The following ADAMTS14 variants were observed in gnomAD, a reference collection of about 807,000 sequenced individuals.
ADAMTS14 encodes the protein A disintegrin and metalloproteinase with thrombospondin motifs 14.
ADAMTS14 carries 100 observed loss-of-function variants against 128.6 expected under a neutral mutation model. The ratio of observed to expected loss-of-function variants is 0.78; its 90% confidence interval spans 0.66 to 0.92. The LOEUF (loss-of-function observed/expected upper bound fraction) is 0.92, where lower values mean the gene tolerates loss of function less well. Ranked by LOEUF, ADAMTS14 falls within the 40% of genes least tolerant of loss-of-function variation. The pLI, the probability that ADAMTS14 is intolerant of heterozygous loss-of-function variation, is 0.00. For missense variants in ADAMTS14, 1,562 were observed against 1,658.6 expected (o/e 0.94, Z 1.01); for synonymous variants, 665 against 653.8 (o/e 1.02, Z -0.26).
intron 4 of ADAMTS14, among the ~76,000 whole-genome samples, chr10:70,715,069 A>T (rs1840997262): frequency 6.6e-6 from 1 of 152,030 alleles, no homozygotes; most frequent in Non-Finnish European, 1.5e-5. Flanking sequence ...TTTTTAGGAG[A>T]ACTAACGGGA....
chr10:70,683,921 T>C (rs1839885156), intron 2 of ADAMTS14, among the ~76,000 whole-genome samples: 1 of 152,198 alleles, frequency 6.6e-6, no homozygotes, highest in Non-Finnish European at 1.5e-5. Flanking sequence ...CCTTGAGGCC[T>C]AGCCTTGGGA....
In ADAMTS14 at chr10:70,733,946, G is replaced by A. The variant is rs756938729; in HGVS notation, c.1270G>A (p.Val424Ile). Residue 424 changes from valine to isoleucine, a missense_variant, in exon 8 of 22, where the codon GTC (valine) becomes ATC (isoleucine). Coordinates refer to ENST00000373207, the MANE Select transcript of ADAMTS14 (RefSeq NM_080722.4). The stretch of plus-strand genomic sequence containing the variant: ...TGCAGATGAGACCAGCCTGGGCAGC[G>A]TCATGGCGCCCCTGGTGCAGGCTGC... ...GCADETSLGS[V>I]MAPLVQAAFH... is the part of the protein sequence containing the mutation. The A allele has an allele frequency of 6.0e-5, 97 of 1,613,802 alleles. No homozygotes were observed. The Admixed American group carries it at 7.0e-4, about 12-fold the overall frequency.
chr10:70,750,061 C>G, intron 16 of ADAMTS14, 76 bp downstream of exon 16: 1 of 1,557,454 alleles, frequency 6.4e-7, no homozygotes, highest in Non-Finnish European at 8.7e-7. Context: ...TGCTGCCAAG[C>G]CAGCGTGACA....
chr10:70,705,431 G>C (rs886541861), intron 3 of ADAMTS14, among the ~76,000 whole-genome samples: 2 of 152,238 alleles, frequency 1.3e-5, no homozygotes, highest in Admixed American at 6.5e-5. Context: ...CCGGGCTGGG[G>C]CTCAGGGCGG....
In ADAMTS14 at chr10:70,743,588, G is replaced by A. The variant is rs10999502; in HGVS notation, c.1965G>A (p.Thr655=). 0.24 allele frequency: 391,155 copies of A among 1,612,198 alleles called. 52,042 individuals carry two copies. Among genetic ancestry groups the A allele is most frequent in the East Asian group, 0.55 (24,576 of 44,780 alleles). ...AGCTGATCTGCCAGTCGGCGGACAC[G>A]GGGGACGTGGTGTTCATGAACCAGG... ...KCELICQSAD[T]GDVVFMNQVV... The change falls in exon 13 of 22, where the codon ACG becomes ACA. Residue 655 remains threonine (T), a synonymous_variant. Coordinates refer to ENST00000373207, the MANE Select transcript of ADAMTS14 (RefSeq NM_080722.4).
intron 12 of ADAMTS14, among the ~76,000 whole-genome samples, chr10:70,741,798 T>C (rs1842008947): frequency 6.6e-6 from 1 of 152,170 alleles, no homozygotes; most frequent in African/African-American, 2.4e-5. Flanking sequence ...TCCCATCTAT[T>C]TTTGAGTGTT....
At position 70,758,331 on chromosome 10, in the gene ADAMTS14, T is replaced by A. The variant is rs780102944; in HGVS notation, c.3178+46T>A. 7 of 1,546,926 alleles carry A rather than the reference T, an allele frequency of 4.5e-6. No homozygotes were observed. In the South Asian group the frequency reaches 8.4e-5, roughly 18 times the overall value. Reference sequence around the variant, plus strand: ...CTACCCTGCTCCCCAGACCTTTCAGTGGCCCTGGTGTTGCAGCATGGGCCA... The same window carrying A: ...CTACCCTGCTCCCCAGACCTTTCAGAGGCCCTGGTGTTGCAGCATGGGCCA... On this transcript the variant is annotated intron_variant, in intron 21 of 21. Transcript: ENST00000373207.
rs548466130 is a variant in ADAMTS14, at chr10:70,728,095, CA to C, written c.871-1182del. Among the ~76,000 whole-genome samples, 530 of 119,516 alleles carry C rather than the reference CA, an allele frequency of 4.4e-3. 1 individual carries two copies. The highest frequency in any genetic ancestry group is 8.9e-3 in the Middle Eastern group (2 of 224). 78.4% of individuals were successfully genotyped at this position (119,516 alleles called of 152,430 possible). A position where few individuals can be genotyped will look rare whatever the true frequency, so the allele number is the denominator to read the frequency against. ...TGGGCAATAGAGCGAGACTCCACCT[CA>C]AAAAAAAAAAAAAAAATCTTGGCCT... On this transcript the variant is annotated intron_variant, in intron 4 of 21. Coordinates refer to ENST00000373207, the MANE Select transcript of ADAMTS14 (RefSeq NM_080722.4).
Position 70,758,182 on chromosome 10 carries a change from C to T in ADAMTS14, c.3075C>T (p.His1025=). The change falls in exon 21 of 22, where the codon CAC becomes CAT. Residue 1025 remains histidine, a synonymous_variant. Transcript: ENST00000373207. The stretch of plus-strand genomic sequence containing the variant: ...GCTTCTTCCTGCTCACAGGAAATCA[C>T]CAGAACTCCACGGTGAGGGCCGATG... The part of the protein sequence containing the change: ...VCSLPACGGN[H]QNSTVRADVW... 6.2e-7 allele frequency: 1 copy of T among 1,614,122 alleles called. No individual in the cohort carries two copies. Among genetic ancestry groups the T allele is most frequent in the Non-Finnish European group, 8.5e-7 (1 of 1,179,992 alleles).
chr10:70,719,610 G>A (rs762241375), intron 4 of ADAMTS14, among the ~76,000 whole-genome samples: 2 of 151,406 alleles, frequency 1.3e-5, no homozygotes, highest in Admixed American at 6.6e-5. Context: ...GTCTCACTAC[G>A]TTGCTCAGAC....
chr10:70,700,762 T>C (rs1840469289), intron 2 of ADAMTS14, among the ~76,000 whole-genome samples: 1 of 152,224 alleles, frequency 6.6e-6, no homozygotes, highest in Non-Finnish European at 1.5e-5. Context: ...CACTTCGTCA[T>C]AGCACCGGGC....
Position 70,751,649 on chromosome 10 carries a change from A to G in ADAMTS14, c.2596+3A>G. ...CTGCAGCAAGGCCTGTGGAGGAGGT[A>G]CCGGTTCCCTGACCCGCCAGTGCTT... On this transcript the variant is annotated splice_donor_region_variant and intron_variant, in intron 17 of 21. Coordinates refer to ENST00000373207, the MANE Select transcript of ADAMTS14 (RefSeq NM_080722.4). 3 of 1,600,454 alleles carry G rather than the reference A, an allele frequency of 1.9e-6. No individual in the cohort carries two copies. In the East Asian group the frequency reaches 6.8e-5, roughly 36 times the overall value.
Position 70,696,414 on chromosome 10 carries a change from G to A in ADAMTS14, c.523-5898G>A, listed in dbSNP as rs543612793. 1.3e-3 allele frequency among the ~76,000 whole-genome samples: 194 copies of A among 146,392 alleles called. 1 individual carries two copies. Among genetic ancestry groups the A allele is most frequent in the African/African-American group, 5.0e-3 (182 of 36,058 alleles). ...GAGCTGGGACACAGACCGTTAAGCT[G>A]TTAGTCTTAACAGGGAAGTGCAACA... On this transcript the variant is annotated intron_variant, in intron 2 of 21. Transcript: ENST00000373207.
chr10:70,708,579 TG>T lies in ADAMTS14; in HGVS notation c.680-7del, dbSNP rs768850490. ...GTTGGACCTCACTCTCTTCCTGTCT[TG>T]GTTCCAGCCTTTGGCCTGGGAGACC... On this transcript the variant is annotated splice_polypyrimidine_tract_variant and splice_region_variant and intron_variant, in intron 3 of 21. Coordinates refer to ENST00000373207, the MANE Select transcript of ADAMTS14 (RefSeq NM_080722.4). 3.1e-6 allele frequency: 5 copies of T among 1,596,848 alleles called. No homozygotes were observed. Among genetic ancestry groups the T allele is most frequent in the Non-Finnish European group, 4.3e-6 (5 of 1,167,002 alleles).
chr10:70,729,211 G>A (rs764474767), intron 4 of ADAMTS14, 83 bp from the exon 5 acceptor site: 6 of 1,185,412 alleles, frequency 5.1e-6, no homozygotes, highest in Non-Finnish European at 6.3e-6. Flanking sequence ...GATACCATAT[G>A]TTAGGTACCT....
chr10:70,748,227 G>A (rs1842243094), intron 15 of ADAMTS14, among the ~76,000 whole-genome samples: 1 of 152,190 alleles, frequency 6.6e-6, no homozygotes, highest in Non-Finnish European at 1.5e-5. Flanking sequence ...GCCTGGATTC[G>A]GGACTGGGTC....
chr10:70,753,170 G>A (rs747199787), intron 18 of ADAMTS14, among the ~76,000 whole-genome samples: 7 of 152,160 alleles, frequency 4.6e-5, no homozygotes, highest in Non-Finnish European at 1.0e-4. Context: ...AGTAGGAGTC[G>A]AGGCTCTCCC....
At chr10:70,757,505 A>G (rs148380145) in intron 19 of ADAMTS14, among the ~76,000 whole-genome samples, 354 of 152,236 alleles carry the variant, frequency 2.3e-3, no homozygotes, top group Middle Eastern at 0.01. Flanking sequence ...TATCCTGTTA[A>G]TAGGATATCA....
intron 19 of ADAMTS14, among the ~76,000 whole-genome samples, chr10:70,756,570 A>G (rs1414510733): frequency 6.6e-6 from 1 of 152,204 alleles, no homozygotes; most frequent in Non-Finnish European, 1.5e-5. Flanking sequence ...TGTCCAAAGA[A>G]CAAAGGAAAG....
Sources: allele counts gnomAD v4.1 joint callset (sites outside exome capture counted in the v4.1 genomes callset), GRCh38; gene constraint gnomAD v4.1.1; transcripts MANE v1.5; gene names NCBI Gene and HGNC (gene_info 2026-07-23, HGNC 2026-07-21).